The following CYP4X1 variants were observed in gnomAD, a reference collection of about 807,000 sequenced individuals.
The protein encoded by CYP4X1 is cytochrome P450 4X1.
A neutral mutation model predicts 57.9 loss-of-function variants in CYP4X1; 44 were observed. The ratio of observed to expected loss-of-function variants is 0.76; its 90% CI spans 0.60 to 0.98. CYP4X1 has a LOEUF of 0.98. CYP4X1 is among the 50% of genes least tolerant of loss of function. CYP4X1 has a pLI of 0.00. For synonymous variants in CYP4X1, 227 were observed against 228.6 expected, an observed-to-expected ratio of 0.99 and a Z score of 0.06; for missense variants, 532 against 623.9, an observed-to-expected ratio of 0.85 and a Z score of 1.57.
downstream of CYP4X1, among the ~76,000 whole-genome samples, chr1:47,052,481 T>C (rs1301137829): frequency 2.0e-5 from 3 of 152,154 alleles, no homozygotes; most frequent in African/African-American, 7.2e-5. Context: ...TTAGAAACTT[T>C]CATAGGTAGG....
the CYP4X1 span, among the ~76,000 whole-genome samples, chr1:46,974,565 C>G: frequency 6.6e-6 from 1 of 152,068 alleles, no homozygotes; most frequent in Non-Finnish European, 1.5e-5. Context: ...TTATTTAAGT[C>G]TCTTCATAAG....
chr1:46,998,952 C>T, the CYP4X1 span, among the ~76,000 whole-genome samples: 1 of 151,088 alleles, frequency 6.6e-6, no homozygotes, highest in Non-Finnish European at 1.5e-5. Context: ...GTACAAGTAC[C>T]ATGTTGATTT....
At chr1:47,009,415 G>T in the CYP4X1 span, among the ~76,000 whole-genome samples, 1 of 152,076 alleles carries the variant, frequency 6.6e-6, no homozygotes, top group Non-Finnish European at 1.5e-5. Flanking sequence ...AAAGCAGTGT[G>T]TAGAGGGAAA....
At chr1:46,974,414 T>C in the CYP4X1 span, among the ~76,000 whole-genome samples, 2 of 152,126 alleles carry the variant, frequency 1.3e-5, no homozygotes, top group Non-Finnish European at 2.9e-5. Flanking sequence ...TTTTGTTAGG[T>C]GGAGTGTTCT....
chr1:47,050,360 T>A lies in CYP4X1; in HGVS notation c.*186T>A. On this transcript the variant is annotated 3_prime_UTR_variant, in exon 12 of 12. Transcript: ENST00000371901. ...TGTGTCAGCTAGATCTGTTTCTATA[T>A]AACTTTGGGAGATTTTCAGATCTTT... The A allele has an allele frequency of 1.7e-6, 1 of 588,752 alleles. No homozygotes were observed. The highest frequency in any genetic ancestry group is 2.9e-6 in the Non-Finnish European group (1 of 343,516). 36.5% of individuals were successfully genotyped at this position (588,752 alleles called of 1,614,324 possible).
At chr1:47,026,570 C>T (rs1444119037) in intron 1 of CYP4X1, among the ~76,000 whole-genome samples, 1 of 152,068 alleles carries the variant, frequency 6.6e-6, no homozygotes, top group African/African-American at 2.4e-5. Flanking sequence ...TCAATTTCTA[C>T]AAGGAAACCA....
chr1:46,970,130 G>A, the CYP4X1 span, among the ~76,000 whole-genome samples: 6 of 152,206 alleles, frequency 3.9e-5, no homozygotes, highest in African/African-American at 1.4e-4. Flanking sequence ...TTGGGAGTAT[G>A]TGAGGAGAGA....
At chr1:47,054,731 G>T (rs1644382315), downstream of CYP4X1, among the ~76,000 whole-genome samples, 1 of 152,046 alleles carries the variant, frequency 6.6e-6, no homozygotes, top group African/African-American at 2.4e-5. Flanking sequence ...GTCTGTTATT[G>T]GTGTATAAGA....
At chr1:46,964,228 C>A in the CYP4X1 span, among the ~76,000 whole-genome samples, 2 of 152,046 alleles carry the variant, frequency 1.3e-5, no homozygotes, top group Admixed American at 6.6e-5. Context: ...TCGTCTGAAG[C>A]CTTCTCTCAA....
intron 1 of CYP4X1, among the ~76,000 whole-genome samples, chr1:47,024,630 G>C (rs1644042496): frequency 6.6e-6 from 1 of 152,184 alleles, no homozygotes; most frequent in Admixed American, 6.5e-5. Context: ...ATTACAAAGA[G>C]AAGCTAAGTC....
At chr1:47,010,486 T>C in the CYP4X1 span, among the ~76,000 whole-genome samples, 132 of 152,302 alleles carry the variant, frequency 8.7e-4, 3 homozygotes, top group South Asian at 0.016. Flanking sequence ...AAGCACTCCC[T>C]TTGAAAACTG....
At chr1:46,987,113 T>G in the CYP4X1 span, among the ~76,000 whole-genome samples, 9 of 152,336 alleles carry the variant, frequency 5.9e-5, no homozygotes, top group Non-Finnish European at 1.0e-4. Flanking sequence ...TCCATTGGTG[T>G]GCTGTATTCA....
the CYP4X1 span, among the ~76,000 whole-genome samples, chr1:46,983,485 G>C: frequency 5.9e-5 from 9 of 152,246 alleles, no homozygotes; most frequent in Non-Finnish European, 1.3e-4. Flanking sequence ...CAATGGCAGA[G>C]AGCCTGTGGA....
At chr1:46,977,857 T>C in the CYP4X1 span, among the ~76,000 whole-genome samples, 4 of 152,146 alleles carry the variant, frequency 2.6e-5, no homozygotes, top group Admixed American at 2.6e-4. Flanking sequence ...AACCCAGAAT[T>C]TCATATCCAG....
chr1:47,033,203 T>A, intron 3 of CYP4X1, 38 bp from the exon 4 acceptor site: 1 of 1,601,500 alleles, frequency 6.2e-7, no homozygotes, highest in Non-Finnish European at 8.5e-7. Flanking sequence ...TCTCATCTAA[T>A]TAAATGGCAT....
chr1:46,996,503 C>G, the CYP4X1 span, among the ~76,000 whole-genome samples: 1 of 152,118 alleles, frequency 6.6e-6, no homozygotes, highest in South Asian at 2.1e-4. Flanking sequence ...AATGGCAAAA[C>G]TTGGGGCTAG....
chr1:46,997,558 T>C, the CYP4X1 span, among the ~76,000 whole-genome samples: 273 of 152,336 alleles, frequency 1.8e-3, no homozygotes, highest in African/African-American at 6.2e-3. Flanking sequence ...GAACATGATT[T>C]CATTCTTTTT....
chr1:47,013,076 T>C, the CYP4X1 span, among the ~76,000 whole-genome samples: 7 of 152,184 alleles, frequency 4.6e-5, no homozygotes, highest in Non-Finnish European at 1.5e-5. Flanking sequence ...TGGTAGGCTG[T>C]TGTGGCTGGT....
chr1:47,030,637 C>T (rs1422554171), intron 2 of CYP4X1, among the ~76,000 whole-genome samples: 1 of 152,196 alleles, frequency 6.6e-6, no homozygotes, highest in East Asian at 1.9e-4. Flanking sequence ...AGGTATGAGT[C>T]ATCTACTTCC....
Sources: allele counts gnomAD v4.1 joint callset (sites outside exome capture counted in the v4.1 genomes callset), GRCh38; gene constraint gnomAD v4.1.1; transcripts MANE v1.5; gene names NCBI Gene and HGNC (gene_info 2026-07-23, HGNC 2026-07-21).